SPPL2A: variants seen among roughly 807,000 people sequenced by gnomAD.
SPPL2A encodes the protein signal peptide peptidase-like 2A.
In SPPL2A, 51 loss-of-function variants were observed where a neutral mutation model predicts 63.8. That is an observed-to-expected ratio of 0.80 (90% confidence interval 0.64 to 1.01). The LOEUF is 1.01. Ranked by LOEUF, SPPL2A falls within the 50% of genes least tolerant of loss-of-function variation. The probability of loss-of-function intolerance (pLI) is 0.00; values close to 1 mark genes in which losing one functional copy is unlikely to be tolerated. For missense variants in SPPL2A, 553 were observed against 622.7 expected (o/e 0.89, Z 1.19); for synonymous variants, 188 against 205.8 (o/e 0.91, Z 0.74).
intron 5 of SPPL2A, among the ~76,000 whole-genome samples, chr15:50,743,905 T>A (rs981281982): frequency 6.6e-6 from 1 of 152,270 alleles, no homozygotes; most frequent in South Asian, 2.1e-4. Flanking sequence ...CCAGGCGCAG[T>A]GGCTCACACC....
intron 11 of SPPL2A, chr15:50,725,829 A>T (rs1376461992): frequency 4.2e-6 from 1 of 236,752 alleles, no homozygotes; most frequent in Non-Finnish European, 8.5e-6. Context: ...TTCCAAAAGA[A>T]AAAGATTAGT....
chr15:50,720,841 G>A lies in SPPL2A; in HGVS notation c.1328-741C>T, dbSNP rs546215353. Among the ~76,000 whole-genome samples, 3 of 151,938 alleles carry A rather than the reference G, an allele frequency of 2.0e-5. No individual in the cohort carries two copies. The East Asian group carries it at 5.8e-4, about 29-fold the overall frequency. ...GCCTGAACTTTTCTTAATGACTCAGGGTTTTACTAGGAACATAGGATCTCA... is the reference window on the plus strand; with the variant it reads ...GCCTGAACTTTTCTTAATGACTCAGAGTTTTACTAGGAACATAGGATCTCA... On this transcript the variant is annotated intron_variant, in intron 13 of 14. Coordinates refer to ENST00000261854, the MANE Select transcript of SPPL2A (RefSeq NM_032802.4).
intron 11 of SPPL2A, 90 bp downstream of exon 11, chr15:50,726,231 G>A (rs2062686719): frequency 6.8e-7 from 1 of 1,470,534 alleles, no homozygotes; most frequent in East Asian, 2.3e-5. Flanking sequence ...CATGCACTAT[G>A]TGGCCAGTGA....
intron 9 of SPPL2A, among the ~76,000 whole-genome samples, chr15:50,731,943 A>AAAAAAAAAAAAC (rs2062734802): frequency 8.1e-6 from 1 of 123,006 alleles, no homozygotes; most frequent in Admixed American, 9.4e-5. Context: ...AAAAAAAAAA[A>AAAAAAAAAAAAC]CCAAATAAAT....
At chr15:50,760,982 C>A (rs886668507) in intron 1 of SPPL2A, among the ~76,000 whole-genome samples, 8 of 150,392 alleles carry the variant, frequency 5.3e-5, no homozygotes, top group African/African-American at 2.0e-4. Flanking sequence ...AAAAAAAAAT[C>A]AACAAAACTA....
intron 6 of SPPL2A, among the ~76,000 whole-genome samples, chr15:50,739,239 C>T (rs553180100): frequency 7.0e-6 from 1 of 143,154 alleles, no homozygotes; most frequent in African/African-American, 2.6e-5. Context: ...AGTGCAATGG[C>T]GCAATGTCGG....
At chr15:50,749,960 T>A in intron 1 of SPPL2A, 1 of 563,302 alleles carries the variant, frequency 1.8e-6, no homozygotes, top group South Asian at 2.2e-5. Flanking sequence ...TTAAGGAAGA[T>A]AGGTCACTTT....
At chr15:50,759,790 T>C (rs1353900367) in intron 1 of SPPL2A, among the ~76,000 whole-genome samples, 7 of 152,216 alleles carry the variant, frequency 4.6e-5, no homozygotes, top group African/African-American at 1.4e-4. Flanking sequence ...CCTAATTTAG[T>C]GGAAAAATAG....
Position 50,722,183 on chromosome 15 carries a change from C to T in SPPL2A, c.1268G>A (p.Cys423Tyr), listed in dbSNP as rs557147371. ...IIVPGLLIAY[C>Y]RRFDVQTGSS... ...ACCAGTCTGAACATCAAATCTTCTA[C>T]AGTATGCAATCAACAGGCCTTAAAA... Residue 423 changes from cysteine (C) to tyrosine (Y), a missense_variant, in exon 13 of 15, where the codon TGT becomes TAT. By Grantham distance (194) the Cys-to-Tyr change is radical (BLOSUM62 -2). Coordinates refer to ENST00000261854, the MANE Select transcript of SPPL2A (RefSeq NM_032802.4). The T allele has an allele frequency of 4.4e-6, 7 of 1,593,004 alleles. No individual in the cohort carries two copies. Among genetic ancestry groups the T allele is most frequent in the Admixed American group, 1.7e-5 (1 of 59,940 alleles).
chr15:50,744,171 T>TC (rs762039242), intron 5 of SPPL2A, among the ~76,000 whole-genome samples: 1 of 140,036 alleles, frequency 7.1e-6, no homozygotes, highest in Non-Finnish European at 1.5e-5. Context: ...AGAGTGAGAC[T>TC]CCATCTCAAA....
intron 1 of SPPL2A, among the ~76,000 whole-genome samples, chr15:50,753,495 A>G (rs764581925): frequency 6.6e-6 from 1 of 152,244 alleles, no homozygotes; most frequent in Non-Finnish European, 1.5e-5. Flanking sequence ...CAAGGATACA[A>G]TGCTAGTTTC....
At chr15:50,754,944 T>C (rs545661861) in intron 1 of SPPL2A, among the ~76,000 whole-genome samples, 3 of 149,512 alleles carry the variant, frequency 2.0e-5, no homozygotes, top group East Asian at 4.0e-4. Context: ...ATCGAGCCAT[T>C]GCACTCCAGC....
chr15:50,717,875 C>T (rs1479294001), intron 14 of SPPL2A, among the ~76,000 whole-genome samples: 1 of 151,302 alleles, frequency 6.6e-6, no homozygotes, highest in African/African-American at 2.4e-5. Context: ...GATATCCCAT[C>T]TATAGTTTTC....
At chr15:50,726,291 T>C in intron 11 of SPPL2A, 30 bp downstream of exon 11, 1 of 1,607,898 alleles carries the variant, frequency 6.2e-7, no homozygotes, top group Admixed American at 1.7e-5. Context: ...ATACACTGGA[T>C]AGCCATTTCT....
intron 1 of SPPL2A, among the ~76,000 whole-genome samples, chr15:50,757,467 C>T (rs1024679224): frequency 6.6e-6 from 1 of 152,146 alleles, no homozygotes; most frequent in African/African-American, 2.4e-5. Context: ...GACAAATGCT[C>T]CTTACTGCTC....
At chr15:50,723,418 A>G (rs2062662929) in intron 12 of SPPL2A, among the ~76,000 whole-genome samples, 1 of 152,220 alleles carries the variant, frequency 6.6e-6, no homozygotes, top group South Asian at 2.1e-4. Flanking sequence ...AGTGTCCATC[A>G]ACAGATGAAT....
At position 50,736,693 on chromosome 15, in the gene SPPL2A, A is replaced by G. The variant is rs2062773835; in HGVS notation, c.781T>C (p.Tyr261His). The change falls in exon 7 of 15, where the codon TAC becomes CAC. Residue 261 changes from tyrosine (Y) to histidine (H), a missense_variant. Coordinates refer to ENST00000261854, the MANE Select transcript of SPPL2A (RefSeq NM_032802.4). ...TGAATTAGTGCAGCAAGACAGTTGT[A>G]CAGACTCATTGCTGATGCTATGCAG... ...IFCIASAMSLYNCLAALIHKI... is the reference protein window; with the variant it reads ...IFCIASAMSLHNCLAALIHKI... 3 of 1,610,808 alleles carry G rather than the reference A, an allele frequency of 1.9e-6. No homozygotes were observed. Among genetic ancestry groups the G allele is most frequent in the Admixed American group, 1.7e-5 (1 of 59,938 alleles).
chr15:50,729,967 T>C (rs946078246), intron 10 of SPPL2A, among the ~76,000 whole-genome samples: 6 of 149,152 alleles, frequency 4.0e-5, no homozygotes, highest in Admixed American at 1.3e-4. Flanking sequence ...GACTGTGCCA[T>C]TGCACTTCAG....
chr15:50,726,306 C>A lies in SPPL2A; in HGVS notation c.1146+15G>T. Reference sequence around the variant, plus strand: ...ATACACTGGATAGCCATTTCTATTTCATTGCCATCCCTACCTTTTCATTAT... The same window carrying A: ...ATACACTGGATAGCCATTTCTATTTAATTGCCATCCCTACCTTTTCATTAT... On this transcript the variant is annotated intron_variant, in intron 11 of 14. Transcript: ENST00000261854. 1 of 1,612,252 alleles carries A rather than the reference C, an allele frequency of 6.2e-7. No individual in the cohort carries two copies. Among genetic ancestry groups the A allele is most frequent in the Non-Finnish European group, 8.5e-7 (1 of 1,178,356 alleles).
Sources: gnomAD v4.1 joint callset for allele counts (sites outside exome capture counted in the v4.1 genomes callset) on GRCh38, gnomAD v4.1.1 for gene constraint, MANE v1.5 for transcripts, NCBI Gene and HGNC (gene_info 2026-07-23, HGNC 2026-07-21) for gene names.